CCDC3: variants seen among roughly 807,000 people sequenced by gnomAD.
The protein encoded by CCDC3 is coiled-coil domain-containing protein 3.
In CCDC3, 24 loss-of-function variants were observed where a neutral mutation model predicts 21.4. The ratio of observed to expected loss-of-function variants is 1.12; its 90% CI spans 0.81 to 1.58. The LOEUF is 1.58. CCDC3 is among the 40% of genes most tolerant of loss of function. CCDC3 has a pLI of 0.00. For missense variants in CCDC3, 425 were observed against 360.9 expected, an observed-to-expected ratio of 1.18 and a Z score of -1.44; for synonymous variants, 186 against 166.0, an observed-to-expected ratio of 1.12 and a Z score of -0.93.
chr10:12,986,311 C>A (rs1471627996), intron 2 of CCDC3, among the ~76,000 whole-genome samples: 1 of 152,102 alleles, frequency 6.6e-6, no homozygotes, highest in Non-Finnish European at 1.5e-5. Context: ...TGAATAAACT[C>A]TGCAGATTTC....
intron 2 of CCDC3, among the ~76,000 whole-genome samples, chr10:12,921,744 T>C (rs1258566102): frequency 2.0e-5 from 3 of 152,052 alleles, no homozygotes; most frequent in African/African-American, 7.3e-5. Flanking sequence ...GGTTTCTGTT[T>C]TTTGTTTTTT....
At chr10:12,904,468 T>TAAAAAAGAAA (rs1834141464) in intron 2 of CCDC3, among the ~76,000 whole-genome samples, 1 of 40,902 alleles carries the variant, frequency 2.4e-5, no homozygotes, top group African/African-American at 9.0e-5. Flanking sequence ...AAGCCAGTCT[T>TAAAAAAGAAA]AAAAAAAAAA....
At chr10:13,060,758 G>T (rs1485892852) in intron 4 of CCDC3, among the ~76,000 whole-genome samples, 3 of 151,998 alleles carry the variant, frequency 2.0e-5, no homozygotes, top group East Asian at 3.9e-4. Flanking sequence ...CTCCCTCTTC[G>T]GCCTCCCAAA....
chr10:13,067,457 G>A (rs918824459), intron 4 of CCDC3, among the ~76,000 whole-genome samples: 1 of 151,586 alleles, frequency 6.6e-6, no homozygotes, highest in African/African-American at 2.4e-5. Context: ...TATATTCTCT[G>A]TAAAGTTTTA....
chr10:12,986,526 G>A (rs1835593557), intron 2 of CCDC3, among the ~76,000 whole-genome samples: 1 of 152,184 alleles, frequency 6.6e-6, no homozygotes, highest in Non-Finnish European at 1.5e-5. Context: ...TGTAATCCCA[G>A]CACTTTGGGA....
chr10:13,045,013 G>A (rs1247466092), intron 5 of CCDC3, among the ~76,000 whole-genome samples: 1 of 152,116 alleles, frequency 6.6e-6, no homozygotes, highest in Non-Finnish European at 1.5e-5. Flanking sequence ...GAATCTAAAT[G>A]CCATAGCAAT....
chr10:12,953,929 T>C (rs574379280), intron 2 of CCDC3, among the ~76,000 whole-genome samples: 2 of 152,316 alleles, frequency 1.3e-5, no homozygotes, highest in African/African-American at 4.8e-5. Flanking sequence ...TACTCAACCA[T>C]GACTCTGTAG....
intron 2 of CCDC3, among the ~76,000 whole-genome samples, chr10:12,962,347 G>A (rs956589935): frequency 1.3e-5 from 2 of 152,222 alleles, no homozygotes; most frequent in African/African-American, 2.4e-5. Flanking sequence ...GCTCACGCCT[G>A]TAATCCTAGC....
intron 2 of CCDC3, among the ~76,000 whole-genome samples, chr10:12,962,209 G>A (rs1370275794): frequency 6.6e-6 from 1 of 152,240 alleles, no homozygotes; most frequent in Non-Finnish European, 1.5e-5. Flanking sequence ...CTCCCTGAAA[G>A]TAATTGGCTT....
intron 2 of CCDC3, among the ~76,000 whole-genome samples, chr10:12,939,596 T>C (rs1247884946): frequency 6.6e-6 from 1 of 151,272 alleles, no homozygotes; most frequent in African/African-American, 2.4e-5. Flanking sequence ...AAAATAAATG[T>C]TGGTAGTATT....
At chr10:13,006,143 G>A (rs1382737570), upstream of CCDC3, among the ~76,000 whole-genome samples, 4 of 152,210 alleles carry the variant, frequency 2.6e-5, no homozygotes, top group Admixed American at 2.6e-4. Flanking sequence ...TTTGTGGAAC[G>A]TCAAGACAAT....
intron 2 of CCDC3, among the ~76,000 whole-genome samples, chr10:12,981,863 C>T (rs1002877716): frequency 6.6e-6 from 1 of 151,600 alleles, no homozygotes. Context: ...GGTGGCTCAC[C>T]CCTGTAATCC....
chr10:12,915,864 G>A (rs1372795330), intron 2 of CCDC3, among the ~76,000 whole-genome samples: 4 of 151,738 alleles, frequency 2.6e-5, no homozygotes, highest in South Asian at 4.2e-4. Flanking sequence ...CCTGGAGCCT[G>A]AGTCCATGAA....
intron 5 of CCDC3, among the ~76,000 whole-genome samples, chr10:13,015,783 T>C (rs1043986354): frequency 6.6e-6 from 1 of 151,968 alleles, no homozygotes; most frequent in Admixed American, 6.6e-5. Context: ...TCTGTGCCTA[T>C]CATTGCTCTT....
chr10:12,958,521 G>T (rs555250182), intron 2 of CCDC3, among the ~76,000 whole-genome samples: 10 of 152,200 alleles, frequency 6.6e-5, no homozygotes, highest in African/African-American at 2.4e-4. Flanking sequence ...ACCCCATAGG[G>T]TCAAGAGCAG....
At chr10:13,093,767 G>A in intron 3 of CCDC3, among the ~76,000 whole-genome samples, 1 of 151,078 alleles carries the variant, frequency 6.6e-6, no homozygotes, top group African/African-American at 2.4e-5. Flanking sequence ...CCTTAGTTTG[G>A]AAAAAAAATA....
chr10:12,898,404 C>T lies in CCDC3; in HGVS notation c.*12G>A. ...AGGATTGGCCCTGCACACCTGGCAG[C>T]CCCCAGGCCCGTTACCCCCGCAGGT... On this transcript the variant is annotated 3_prime_UTR_variant, in exon 3 of 3. Coordinates refer to ENST00000378825, the MANE Select transcript of CCDC3 (RefSeq NM_031455.4). 1.3e-6 allele frequency: 2 copies of T among 1,577,072 alleles called. No homozygotes were observed. The highest frequency in any genetic ancestry group is 1.8e-5 in the Admixed American group (1 of 54,472).
chr10:13,037,295 GT>G (rs577078713), intron 5 of CCDC3, among the ~76,000 whole-genome samples: 11 of 151,854 alleles, frequency 7.2e-5, no homozygotes, highest in Non-Finnish European at 1.5e-4. Context: ...AAGTTTTCAA[GT>G]TTTTTTTAAA....
intron 2 of CCDC3, among the ~76,000 whole-genome samples, chr10:12,937,131 T>C (rs1834751893): frequency 6.6e-6 from 1 of 151,034 alleles, no homozygotes; most frequent in Non-Finnish European, 1.5e-5. Flanking sequence ...ACCCTCAGAC[T>C]CATTCACTCT....
Sources: gnomAD v4.1 joint callset for allele counts (sites outside exome capture counted in the v4.1 genomes callset) on GRCh38, gnomAD v4.1.1 for gene constraint, MANE v1.5 for transcripts, NCBI Gene and HGNC (gene_info 2026-07-23, HGNC 2026-07-21) for gene names.